EML6: variants seen among roughly 807,000 people sequenced by gnomAD.
EML6 encodes the protein EMAP like 6.
EML6 carries 154 observed loss-of-function variants against 240.1 expected under a neutral mutation model. The ratio of observed to expected loss-of-function variants is 0.64; its 90% confidence interval spans 0.56 to 0.73. The LOEUF (loss-of-function observed/expected upper bound fraction) is 0.73, where lower values mean the gene tolerates loss of function less well. EML6 is among the 30% of genes least tolerant of loss of function. The pLI is 0.00. For missense variants in EML6, 2,964 were observed against 2,474.6 expected, an observed-to-expected ratio of 1.20 and a Z score of -4.20; for synonymous variants, 1,148 against 899.0, an observed-to-expected ratio of 1.28 and a Z score of -4.95.
At chr2:54,855,528 ACT>A (rs1285793276) in intron 11 of EML6, among the ~76,000 whole-genome samples, 1 of 145,972 alleles carries the variant, frequency 6.9e-6, no homozygotes, top group Admixed American at 7.2e-5. Context: ...ACATGTCCAA[ACT>A]ATATTACAGA....
intron 22 of EML6, among the ~76,000 whole-genome samples, chr2:54,901,599 C>T (rs1395359254): frequency 6.6e-6 from 1 of 152,238 alleles, no homozygotes; most frequent in Admixed American, 6.5e-5. Context: ...CCTTTTCACT[C>T]TCAAACGTGT....
chr2:54,859,698 C>G lies in EML6; in HGVS notation c.1822C>G (p.Gln608Glu), dbSNP rs572726984. ...VSNGMLETAP[Q>E]EGGADSYSEE... ...CAACGGCATGCTGGAAACTGCACCC[C>G]AAGGTAAACCCAGCAATAATTTCTT... Residue 608 changes from glutamine to glutamate, a missense_variant, in exon 12 of 42, where the codon CAA (glutamine) becomes GAA (glutamate). Coordinates refer to ENST00000356458, the MANE Select transcript of EML6 (RefSeq NM_001039753.4). 6.5e-7 allele frequency: 1 copy of G among 1,531,086 alleles called. No individual in the cohort carries two copies. Among genetic ancestry groups the G allele is most frequent in the Non-Finnish European group, 8.8e-7 (1 of 1,140,912 alleles). 94.8% of individuals were successfully genotyped at this position (1,531,086 alleles called of 1,614,324 possible).
intron 28 of EML6, among the ~76,000 whole-genome samples, chr2:54,947,453 T>G (rs914860614): frequency 5.3e-5 from 8 of 152,164 alleles, no homozygotes; most frequent in Non-Finnish European, 8.8e-5. Flanking sequence ...GTGTTTTGAT[T>G]GAAGAGTTTC....
Position 54,864,772 on chromosome 2 carries a change from T to C in EML6, c.1932+883T>C, listed in dbSNP as rs1288945614. 4.6e-5 allele frequency among the ~76,000 whole-genome samples: 7 copies of C among 152,232 alleles called. No homozygotes were observed. In the East Asian group the frequency reaches 1.3e-3, roughly 29 times the overall value. ...GGATAACAATGCTTACCTAGGCTTA[T>C]CTCCAAAGTGCACATTCTATGCACT... On this transcript the variant is annotated intron_variant, in intron 13 of 41. Transcript: ENST00000356458.
intron 12 of EML6, among the ~76,000 whole-genome samples, 190 bp downstream of exon 12, chr2:54,859,891 G>A (rs1404712988): frequency 1.3e-5 from 2 of 152,112 alleles, no homozygotes; most frequent in South Asian, 4.2e-4. Flanking sequence ...TTCTTCAAAG[G>A]AAGTTGCTAT....
At chr2:54,845,735 A>G (rs1479383499) in intron 8 of EML6, among the ~76,000 whole-genome samples, 1 of 152,174 alleles carries the variant, frequency 6.6e-6, no homozygotes, top group Non-Finnish European at 1.5e-5. Context: ...GAGGCTGCAC[A>G]GTACAGGCTG....
chr2:54,867,250 A>G (rs1313336213), intron 14 of EML6: 1 of 162,398 alleles, frequency 6.2e-6, no homozygotes, highest in Non-Finnish European at 1.3e-5. Context: ...CCACCATAGG[A>G]CAGTATTTTC....
At chr2:54,785,946 T>C (rs1188990955) in intron 2 of EML6, among the ~76,000 whole-genome samples, 1 of 151,698 alleles carries the variant, frequency 6.6e-6, no homozygotes, top group Non-Finnish European at 1.5e-5. Flanking sequence ...TATATATATA[T>C]ATATTTGTAT....
chr2:54,763,335 A>G (rs1311791061), intron 2 of EML6, among the ~76,000 whole-genome samples: 1 of 152,214 alleles, frequency 6.6e-6, no homozygotes, highest in East Asian at 1.9e-4. Context: ...ATTTTAAATA[A>G]AGTTGGGTTC....
intron 38 of EML6, among the ~76,000 whole-genome samples, chr2:54,965,504 G>C (rs1676708965): frequency 6.6e-6 from 1 of 152,134 alleles, no homozygotes; most frequent in Non-Finnish European, 1.5e-5. Flanking sequence ...CTGGCTGTGC[G>C]GGAGACCGGA....
In EML6 at chr2:54,772,020, T is replaced by G. The variant is rs111349221; in HGVS notation, c.198-41212T>G. On this transcript the variant is annotated intron_variant, in intron 2 of 41. Transcript: ENST00000356458. ...TTTCTCCAGTGAAATGTACTGGCAC[T>G]AAATAGTCTCTGAAATGCTTTATGC... Among the ~76,000 whole-genome samples the G allele has an allele frequency of 3.7e-4, 57 of 152,366 alleles. 1 individual carries two copies. The highest frequency in any genetic ancestry group is 1.2e-3 in the African/African-American group (50 of 41,578).
intron 2 of EML6, among the ~76,000 whole-genome samples, chr2:54,785,708 A>G (rs1446340089): frequency 3.3e-5 from 5 of 152,180 alleles, no homozygotes; most frequent in African/African-American, 1.2e-4. Context: ...ATTTTATGGT[A>G]GCAAATGATA....
intron 2 of EML6, among the ~76,000 whole-genome samples, chr2:54,730,622 A>G (rs906157829): frequency 6.6e-6 from 1 of 152,188 alleles, no homozygotes; most frequent in Non-Finnish European, 1.5e-5. Flanking sequence ...GTACCATCCT[A>G]CTGCTCATTG....
chr2:54,964,169 G>A lies in EML6; in HGVS notation c.5330+11G>A. Reference sequence around the variant, plus strand: ...TATCCAAGATATCAGGTACCTAAGTGGGTGGTCTGGGCATGGAGGAGAAAG... The same window carrying A: ...TATCCAAGATATCAGGTACCTAAGTAGGTGGTCTGGGCATGGAGGAGAAAG... On this transcript the variant is annotated intron_variant, in intron 37 of 41. Coordinates refer to ENST00000356458, the MANE Select transcript of EML6 (RefSeq NM_001039753.4). The A allele has an allele frequency of 6.4e-6, 10 of 1,550,556 alleles. No individual in the cohort carries two copies. The highest frequency in any genetic ancestry group is 8.7e-6 in the Non-Finnish European group (10 of 1,146,360).
chr2:54,868,630 T>C (rs1671094556), intron 14 of EML6: 1 of 152,310 alleles, frequency 6.6e-6, no homozygotes, highest in African/African-American at 2.4e-5. Flanking sequence ...GGTAATTCCA[T>C]TAAGTCTCTG....
chr2:54,941,155 AT>A (rs1373514624), intron 28 of EML6, among the ~76,000 whole-genome samples: 1 of 152,148 alleles, frequency 6.6e-6, no homozygotes, highest in African/African-American at 2.4e-5. Context: ...CAATAATTTT[AT>A]ATGTTTATAA....
At chr2:54,937,916 C>G (rs1195142084) in intron 28 of EML6, among the ~76,000 whole-genome samples, 2 of 152,108 alleles carry the variant, frequency 1.3e-5, no homozygotes, top group African/African-American at 2.4e-5. Flanking sequence ...ACTTGGCTCC[C>G]CTTGGATTTC....
chr2:54,780,809 G>A (rs1182291238), intron 2 of EML6, among the ~76,000 whole-genome samples: 4 of 152,164 alleles, frequency 2.6e-5, no homozygotes, highest in Non-Finnish European at 2.9e-5. Flanking sequence ...TGAGTCACAC[G>A]AATAATGATT....
chr2:54,954,101 G>A lies in EML6; in HGVS notation c.4431G>A (p.Leu1477=), dbSNP rs1336085087. Residue 1477 remains leucine, a synonymous_variant, in exon 32 of 42, where the codon CTG becomes CTA. Transcript: ENST00000356458. ...ACTTCAGTGCAACTGGAAAGCTCCT[G>A]GTGTCGGTGGGAGTGGACCCTGAGC... ...YINFSATGKL[L]VSVGVDPEHT... The A allele has an allele frequency of 1.0e-5, 16 of 1,551,594 alleles. No homozygotes were observed. The highest frequency in any genetic ancestry group is 8.7e-7 in the Non-Finnish European group (1 of 1,147,002).
Sources: allele counts gnomAD v4.1 joint callset (sites outside exome capture counted in the v4.1 genomes callset), GRCh38; gene constraint gnomAD v4.1.1; transcripts MANE v1.5; gene names NCBI Gene and HGNC (gene_info 2026-07-23, HGNC 2026-07-21).